Variants in SGIP1 observed in about 807,000 individuals in gnomAD.
SGIP1 encodes the protein SH3-containing GRB2-like protein 3-interacting protein 1.
In SGIP1, 38 loss-of-function variants were observed where a neutral mutation model predicts 107.5. That is an observed-to-expected ratio of 0.35 (90% CI 0.27 to 0.46). The LOEUF (loss-of-function observed/expected upper bound fraction) is 0.46. Among genes scored for constraint, SGIP1 ranks in the 20% least tolerant of loss-of-function variants. SGIP1 has a pLI of 1.00. For missense variants in SGIP1, 929 were observed against 1,019.5 expected (o/e 0.91, Z 1.21); for synonymous variants, 365 against 366.1 (o/e 1.00, Z 0.03).
intron 1 of SGIP1, among the ~76,000 whole-genome samples, chr1:66,606,681 G>A (rs2066911507): frequency 6.6e-6 from 1 of 152,186 alleles, no homozygotes; most frequent in South Asian, 2.1e-4. Context: ...AGTATCTGAC[G>A]AAGAGTCATC....
intron 2 of SGIP1, among the ~76,000 whole-genome samples, chr1:66,632,194 G>A (rs1054316533): frequency 5.3e-5 from 8 of 152,180 alleles, no homozygotes; most frequent in Non-Finnish European, 8.8e-5. Context: ...GCTTAGAGAG[G>A]TTAAGTGTTC....
chr1:66,602,535 T>C (rs1355031260), intron 1 of SGIP1, among the ~76,000 whole-genome samples: 1 of 152,148 alleles, frequency 6.6e-6, no homozygotes, highest in African/African-American at 2.4e-5. Context: ...AATGAAATAC[T>C]GGATGTATGA....
intron 1 of SGIP1, among the ~76,000 whole-genome samples, chr1:66,590,239 C>T (rs1170194231): frequency 6.6e-6 from 1 of 152,166 alleles, no homozygotes; most frequent in African/African-American, 2.4e-5. Flanking sequence ...ACATGGCCCA[C>T]TGGATAATCC....
intron 7 of SGIP1, among the ~76,000 whole-genome samples, chr1:66,651,785 C>T (rs1319037370): frequency 6.6e-6 from 1 of 152,154 alleles, no homozygotes; most frequent in African/African-American, 2.4e-5. Flanking sequence ...TATGTGATTT[C>T]TCATTTATTA....
intron 1 of SGIP1, among the ~76,000 whole-genome samples, chr1:66,617,453 G>A (rs1249972882): frequency 6.6e-6 from 1 of 152,182 alleles, no homozygotes; most frequent in African/African-American, 2.4e-5. Context: ...GATACACAAA[G>A]CACCTTAATC....
At chr1:66,736,850 G>T (rs1488297302) in intron 21 of SGIP1, among the ~76,000 whole-genome samples, 2 of 151,954 alleles carry the variant, frequency 1.3e-5, no homozygotes, top group Non-Finnish European at 1.5e-5. Context: ...TATTTAAATT[G>T]TTGTAAGAAA....
intron 2 of SGIP1, among the ~76,000 whole-genome samples, chr1:66,630,293 G>A (rs375236572): frequency 2.6e-5 from 4 of 152,142 alleles, no homozygotes; most frequent in East Asian, 3.9e-4. Flanking sequence ...TTCACAGTGA[G>A]CAACACCACA....
At chr1:66,669,592 C>A (rs1156375554) in intron 9 of SGIP1, among the ~76,000 whole-genome samples, 2 of 152,194 alleles carry the variant, frequency 1.3e-5, no homozygotes, top group African/African-American at 4.8e-5. Context: ...GTCTACAGAG[C>A]CTTCTTTTCC....
rs560442452 is a variant in SGIP1, at chr1:66,749,308, A to G, written c.*6213A>G. Among the ~76,000 whole-genome samples, 3 of 152,020 alleles carry G rather than the reference A, an allele frequency of 2.0e-5. No homozygotes were observed. Among genetic ancestry groups the G allele is most frequent in the Non-Finnish European group, 4.4e-5 (3 of 67,908 alleles). The stretch of plus-strand genomic sequence containing the variant: ...GCTTTAGGAAACTGAATCATGATAG[A>G]TCAATGTTGACAGTATTTTTACATC... On this transcript the variant is annotated 3_prime_UTR_variant, in exon 25 of 25. Coordinates refer to ENST00000371037, the MANE Select transcript of SGIP1 (RefSeq NM_032291.4).
Position 66,746,664 on chromosome 1 carries a change from C to T in SGIP1, c.*3569C>T, listed in dbSNP as rs1338267255. On this transcript the variant is annotated 3_prime_UTR_variant, in exon 25 of 25. Transcript: ENST00000371037. ...TTAATTCCTGTTTTACAAGTGATGACACTGAGGCTTAAATAGAATAATCTC... is the reference window on the plus strand; with the variant it reads ...TTAATTCCTGTTTTACAAGTGATGATACTGAGGCTTAAATAGAATAATCTC... The T allele has an allele frequency of 6.6e-6, 1 of 152,036 alleles. No individual in the cohort carries two copies. Among genetic ancestry groups the T allele is most frequent in the Non-Finnish European group, 1.5e-5 (1 of 67,954 alleles). The allele number at this position is 152,036 out of a possible 1,614,324, so 9.4% of individuals were successfully genotyped here. A position where few individuals can be genotyped will look rare whatever the true frequency, so the allele number is the denominator to read the frequency against.
chr1:66,681,832 G>A (rs993907864), intron 14 of SGIP1, 37 bp from the exon 15 acceptor site: 11 of 1,569,220 alleles, frequency 7.0e-6, no homozygotes, highest in Non-Finnish European at 8.6e-6. Flanking sequence ...CAAATAATAA[G>A]TCAATTAAAG....
chr1:66,631,494 A>T (rs551925979), intron 2 of SGIP1, among the ~76,000 whole-genome samples: 1 of 152,270 alleles, frequency 6.6e-6, no homozygotes, highest in East Asian at 1.9e-4. Context: ...TCACCTCTGC[A>T]TCTGTGTGGA....
chr1:66,600,003 A>C (rs527909476), intron 1 of SGIP1, among the ~76,000 whole-genome samples: 3 of 152,272 alleles, frequency 2.0e-5, no homozygotes, highest in African/African-American at 7.2e-5. Flanking sequence ...CCCAAGGTCC[A>C]ATGAATGCTG....
At chr1:66,740,949 A>G (rs1372887655) in intron 23 of SGIP1, among the ~76,000 whole-genome samples, 1 of 152,194 alleles carries the variant, frequency 6.6e-6, no homozygotes, top group Non-Finnish European at 1.5e-5. Context: ...AGGCCTCTTA[A>G]GGAGGCATGT....
chr1:66,699,207 G>T (rs750796951), intron 18 of SGIP1, among the ~76,000 whole-genome samples: 2 of 151,980 alleles, frequency 1.3e-5, no homozygotes, highest in Non-Finnish European at 2.9e-5. Flanking sequence ...CCTCTCTTCA[G>T]TCTTCTGTGG....
At chr1:66,684,085 T>C (rs1250306386) in intron 15 of SGIP1, 8 of 1,550,174 alleles carry the variant, frequency 5.2e-6, no homozygotes, top group South Asian at 2.4e-5. Flanking sequence ...TGGTAGATAC[T>C]GTTATCTTTC....
intron 17 of SGIP1, among the ~76,000 whole-genome samples, chr1:66,690,857 TC>T (rs759072524): frequency 2.6e-4 from 39 of 152,292 alleles, no homozygotes; most frequent in Non-Finnish European, 4.9e-4. Flanking sequence ...TGGTCAGTTT[TC>T]CCAGAGAAAT....
At chr1:66,650,429 A>G (rs532206100) in intron 7 of SGIP1, among the ~76,000 whole-genome samples, 2 of 152,280 alleles carry the variant, frequency 1.3e-5, no homozygotes, top group Non-Finnish European at 2.9e-5. Flanking sequence ...GAGAGCTAAT[A>G]CCAGAAATAC....
At chr1:66,653,365 C>A (rs1480184008) in intron 7 of SGIP1, among the ~76,000 whole-genome samples, 1 of 152,026 alleles carries the variant, frequency 6.6e-6, no homozygotes. Flanking sequence ...AAAATCCACA[C>A]CTTTCATGCC....
Sources: gnomAD v4.1 joint callset for allele counts (sites outside exome capture counted in the v4.1 genomes callset) on GRCh38, gnomAD v4.1.1 for gene constraint, MANE v1.5 for transcripts, NCBI Gene and HGNC (gene_info 2026-07-23, HGNC 2026-07-21) for gene names.